DSCAM: variants seen among roughly 807,000 people sequenced by gnomAD.
The protein encoded by DSCAM is DS cell adhesion molecule, also known as cell adhesion molecule DSCAM.
A neutral mutation model predicts 217.7 loss-of-function variants in DSCAM; 47 were observed. The ratio of observed to expected loss-of-function variants is 0.22; its 90% confidence interval spans 0.17 to 0.28. The LOEUF is 0.28. DSCAM is among the 10% of genes least tolerant of loss of function. DSCAM has a pLI of 1.00. For synonymous variants in DSCAM, 1,056 were observed against 1,015.3 expected, an observed-to-expected ratio of 1.04 and a Z score of -0.76; for missense variants, 2,080 against 2,618.3, an observed-to-expected ratio of 0.79 and a Z score of 4.49.
At position 40,018,397 on chromosome 21, in the gene DSCAM, T is replaced by C. The variant is rs577176696; in HGVS notation, c.5687-5011A>G. Among the ~76,000 whole-genome samples the C allele has an allele frequency of 4.1e-4, 62 of 152,330 alleles. 1 individual carries two copies. Among genetic ancestry groups the C allele is most frequent in the Non-Finnish European group, 7.9e-4 (54 of 68,032 alleles). The stretch of plus-strand genomic sequence containing the variant: ...AATATTATTTTTATCATGTTGTTTG[T>C]ATATTTGAGGAAATGGGACAGACAT... On this transcript the variant is annotated intron_variant, in intron 32 of 32. Transcript: ENST00000400454.
chr21:40,174,307 G>A (rs1300556909), intron 15 of DSCAM, among the ~76,000 whole-genome samples: 1 of 152,190 alleles, frequency 6.6e-6, no homozygotes, highest in Non-Finnish European at 1.5e-5. Context: ...TGCAACACAT[G>A]CAAATAAACT....
chr21:40,811,832 G>A (rs1256779221), intron 1 of DSCAM, among the ~76,000 whole-genome samples: 1 of 152,156 alleles, frequency 6.6e-6, no homozygotes. Flanking sequence ...GACCTATGGG[G>A]TCCCATATGG....
At chr21:40,662,136 A>G (rs963710078) in intron 3 of DSCAM, among the ~76,000 whole-genome samples, 1 of 146,262 alleles carries the variant, frequency 6.8e-6, no homozygotes, top group Non-Finnish European at 1.5e-5. Context: ...ACAAACAAAC[A>G]AACAAACAAA....
chr21:40,218,186 G>A (rs1363791583), intron 11 of DSCAM, among the ~76,000 whole-genome samples: 1 of 152,082 alleles, frequency 6.6e-6, no homozygotes, highest in African/African-American at 2.4e-5. Flanking sequence ...GTAAGAAAGG[G>A]GTCCAGCTTC....
intron 3 of DSCAM, among the ~76,000 whole-genome samples, chr21:40,380,654 G>A (rs2075010807): frequency 6.6e-6 from 1 of 152,190 alleles, no homozygotes. Context: ...AAGGTAGGAA[G>A]ATAAGAAGGG....
intron 3 of DSCAM, among the ~76,000 whole-genome samples, chr21:40,381,074 A>AAAAAAACAAAAAAAAC (rs1733187386): frequency 6.1e-5 from 9 of 147,114 alleles, no homozygotes; most frequent in African/African-American, 2.4e-4. Context: ...AAAAAAAAAA[A>AAAAAAACAAAAAAAAC]AAAAAAAAAA....
intron 8 of DSCAM, among the ~76,000 whole-genome samples, chr21:40,325,241 G>A (rs2074304817): frequency 6.6e-6 from 1 of 152,132 alleles, no homozygotes; most frequent in Admixed American, 6.5e-5. Context: ...GACTGCCTCT[G>A]ACAGCACCAT....
At chr21:40,528,905 T>TC in intron 3 of DSCAM, among the ~76,000 whole-genome samples, 1 of 136,180 alleles carries the variant, frequency 7.3e-6, no homozygotes, top group Middle Eastern at 3.6e-3. Context: ...CCACTTTTTT[T>TC]TTTTTTTTTT....
At chr21:40,446,857 A>G (rs899781001) in intron 3 of DSCAM, among the ~76,000 whole-genome samples, 1 of 152,210 alleles carries the variant, frequency 6.6e-6, no homozygotes, top group African/African-American at 2.4e-5. Flanking sequence ...ATGACTTTCA[A>G]AGTCCTGTTG....
intron 3 of DSCAM, among the ~76,000 whole-genome samples, chr21:40,380,527 T>C (rs550146651): frequency 6.6e-6 from 1 of 152,244 alleles, no homozygotes; most frequent in East Asian, 1.9e-4. Context: ...TGCATTTACA[T>C]GAATTGAGAA....
intron 10 of DSCAM, among the ~76,000 whole-genome samples, chr21:40,295,157 C>T (rs1194005001): frequency 6.6e-6 from 1 of 151,730 alleles, no homozygotes; most frequent in Non-Finnish European, 1.5e-5. Context: ...AATAATTAAA[C>T]CTAGATACTA....
chr21:40,627,855 A>T (rs1002887971), intron 3 of DSCAM, among the ~76,000 whole-genome samples: 2 of 152,060 alleles, frequency 1.3e-5, no homozygotes, highest in African/African-American at 4.8e-5. Flanking sequence ...GTTTCCCACC[A>T]CCTAAGCATG....
At chr21:40,029,484 A>G (rs1821219930) in intron 32 of DSCAM, among the ~76,000 whole-genome samples, 1 of 151,342 alleles carries the variant, frequency 6.6e-6, no homozygotes, top group South Asian at 2.1e-4. Flanking sequence ...TTAATTCACT[A>G]AATTGCCAGT....
In DSCAM at chr21:40,512,010, A is replaced by AAAAAAAAAAAAAT. The variant is rs61560593; in HGVS notation, c.509-142766_509-142765insATTTTTTTTTTTT. Among the ~76,000 whole-genome samples the AAAAAAAAAAAAAT allele has an allele frequency of 3.4e-3, 366 of 106,384 alleles. 71 individuals carry two copies. The highest frequency in any genetic ancestry group is 5.9e-3 in the Middle Eastern group (1 of 170). 69.8% of individuals were successfully genotyped at this position (106,384 alleles called of 152,430 possible). On this transcript the variant is annotated intron_variant, in intron 3 of 32. Coordinates refer to ENST00000400454, the MANE Select transcript of DSCAM (RefSeq NM_001389.5). ...TGTCTCAAAAAAAAAAAAAAAAAAAAGTATTCTATTTGAGGTCTTGCTTTT... is the reference window on the plus strand; with the variant it reads ...TGTCTCAAAAAAAAAAAAAAAAAAAAAAAAAAAAAAAATGTATTCTATTTGAGGTCTTGCTTTT...
intron 3 of DSCAM, among the ~76,000 whole-genome samples, chr21:40,491,027 T>A (rs935768604): frequency 6.6e-6 from 1 of 152,328 alleles, no homozygotes; most frequent in Middle Eastern, 3.4e-3. Flanking sequence ...TTCACCAGCT[T>A]ATAAAATCTG....
At chr21:40,255,694 A>T (rs1167291284) in intron 11 of DSCAM, among the ~76,000 whole-genome samples, 1 of 152,258 alleles carries the variant, frequency 6.6e-6, no homozygotes, top group Non-Finnish European at 1.5e-5. Flanking sequence ...AGAGATCTGA[A>T]GTGTCAGAAG....
chr21:40,638,657 T>G (rs1001142768), intron 3 of DSCAM, among the ~76,000 whole-genome samples: 14 of 152,202 alleles, frequency 9.2e-5, no homozygotes, highest in African/African-American at 3.4e-4. Flanking sequence ...TGGGTAGTAC[T>G]CACTGTTCAC....
chr21:40,210,492 T>C (rs879917961), intron 11 of DSCAM, among the ~76,000 whole-genome samples: 6 of 152,202 alleles, frequency 3.9e-5, no homozygotes, highest in Non-Finnish European at 5.9e-5. Context: ...GAAACCCACA[T>C]GGGAACATTC....
intron 3 of DSCAM, among the ~76,000 whole-genome samples, chr21:40,430,816 C>T (rs566025913): frequency 2.6e-5 from 4 of 152,172 alleles, no homozygotes; most frequent in Non-Finnish European, 5.9e-5. Flanking sequence ...TTGGGAAAGT[C>T]AAATGAGATA....
Sources: allele counts gnomAD v4.1 joint callset (sites outside exome capture counted in the v4.1 genomes callset), GRCh38; gene constraint gnomAD v4.1.1; transcripts MANE v1.5; gene names NCBI Gene and HGNC (gene_info 2026-07-23, HGNC 2026-07-21).